The following ADAM2 variants were observed in gnomAD, a reference collection of about 807,000 sequenced individuals.
The protein encoded by ADAM2 is ADAM metallopeptidase domain 2.
Under a neutral mutation model 99.3 loss-of-function variants are expected in ADAM2, and 101 were observed. The observed-to-expected ratio is 1.02, with a 90% CI of 0.87 to 1.20. The LOEUF (loss-of-function observed/expected upper bound fraction) is 1.20, where lower values mean the gene tolerates loss of function less well. ADAM2 is among the 50% of genes most tolerant of loss of function. The pLI is 0.00. For synonymous variants in ADAM2, 323 were observed against 287.6 expected (o/e 1.12, Z -1.25); for missense variants, 948 against 878.7 (o/e 1.08, Z -1.00).
chr8:39,753,253 T>C (rs1241218211), intron 16 of ADAM2, among the ~76,000 whole-genome samples: 1 of 152,180 alleles, frequency 6.6e-6, no homozygotes, highest in Non-Finnish European at 1.5e-5. Flanking sequence ...GTGACTCTTG[T>C]TATGTTTTAG....
At chr8:39,779,895 C>A (rs117681926) in intron 10 of ADAM2, among the ~76,000 whole-genome samples, 1,765 of 152,154 alleles carry the variant, frequency 0.012, 17 homozygotes, top group Non-Finnish European at 0.017. Context: ...TCTATCTATG[C>A]CTTTTTTTTC....
At chr8:39,785,119 T>C (rs1438512392) in intron 10 of ADAM2, among the ~76,000 whole-genome samples, 1 of 152,240 alleles carries the variant, frequency 6.6e-6, no homozygotes, top group Non-Finnish European at 1.5e-5. Context: ...CATATATTAT[T>C]TGGCAATGCC....
intron 4 of ADAM2, among the ~76,000 whole-genome samples, chr8:39,824,516 G>C (rs1035223602): frequency 1.3e-5 from 2 of 152,044 alleles, no homozygotes; most frequent in Non-Finnish European, 2.9e-5. Context: ...TAGCTTTCCT[G>C]ATACAAGTCA....
chr8:39,777,348 C>T (rs989042553), intron 10 of ADAM2, among the ~76,000 whole-genome samples, 187 bp from the exon 11 acceptor site: 3 of 151,824 alleles, frequency 2.0e-5, no homozygotes, highest in Non-Finnish European at 4.4e-5. Context: ...GAAGTTTTAT[C>T]GGTATGTAAA....
intron 14 of ADAM2, 102 bp downstream of exon 14, chr8:39,766,746 C>T (rs764073610): frequency 2.1e-5 from 19 of 903,708 alleles, no homozygotes; most frequent in Non-Finnish European, 3.0e-5. Flanking sequence ...AATATTTAAA[C>T]TAAATGTGAC....
At chr8:39,791,865 C>T (rs970905369) in intron 7 of ADAM2, among the ~76,000 whole-genome samples, 2 of 151,930 alleles carry the variant, frequency 1.3e-5, no homozygotes, top group Non-Finnish European at 2.9e-5. Flanking sequence ...ATCTCAGAGC[C>T]GAGCCACAAC....
In ADAM2 at chr8:39,821,640, T is replaced by A; in HGVS notation, c.290A>T (p.Tyr97Phe). ...CACAGATTTTGGATAACCTTCAATA[T>A]ACCCTTGGTAGTGGCAGAAATTCTG... ...DFQNFCHYQG[Y>F]IEGYPKSVVM... Residue 97 changes from tyrosine to phenylalanine, a missense_variant, in exon 5 of 21, where the codon TAT becomes TTT. By Grantham distance (22) the Tyr-to-Phe change is conservative. Transcript: ENST00000265708. The A allele has an allele frequency of 6.2e-7, 1 of 1,606,912 alleles. No homozygotes were observed. Among genetic ancestry groups the A allele is most frequent in the Middle Eastern group, 1.7e-4 (1 of 6,048 alleles).
At chr8:39,761,477 C>A (rs1261499345) in intron 14 of ADAM2, among the ~76,000 whole-genome samples, 196 bp from the exon 15 acceptor site, 1 of 152,178 alleles carries the variant, frequency 6.6e-6, no homozygotes, top group Non-Finnish European at 1.5e-5. Flanking sequence ...TGAAAGGACT[C>A]TGGTCTACTA....
At chr8:39,755,943 T>C in intron 15 of ADAM2, 32 bp from the exon 16 acceptor site, 2 of 1,211,932 alleles carry the variant, frequency 1.7e-6, no homozygotes, top group Non-Finnish European at 2.3e-6. Flanking sequence ...AAATTATTAA[T>C]TTTAATTTAG....
intron 3 of ADAM2, among the ~76,000 whole-genome samples, chr8:39,831,459 C>T (rs1038990456): frequency 6.6e-6 from 1 of 152,122 alleles, no homozygotes; most frequent in Admixed American, 6.6e-5. Flanking sequence ...CTCAAACGAG[C>T]TCATCAATGA....
intron 10 of ADAM2, among the ~76,000 whole-genome samples, chr8:39,779,821 T>C (rs991032786): frequency 6.6e-6 from 1 of 152,158 alleles, no homozygotes; most frequent in African/African-American, 2.4e-5. Context: ...GCATTCTCTA[T>C]AAATGTGCCT....
intron 10 of ADAM2, among the ~76,000 whole-genome samples, chr8:39,786,011 A>C (rs1042353354): frequency 5.3e-5 from 8 of 152,202 alleles, no homozygotes; most frequent in Non-Finnish European, 1.2e-4. Flanking sequence ...TTGCAGCAAC[A>C]TGGATGCAGC....
intron 11 of ADAM2, among the ~76,000 whole-genome samples, chr8:39,773,079 G>A (rs919636096): frequency 2.6e-5 from 4 of 151,766 alleles, no homozygotes; most frequent in Non-Finnish European, 5.9e-5. Context: ...TCAAAAGATA[G>A]ACATCTAGAA....
chr8:39,832,414 A>G (rs2129589264), intron 3 of ADAM2, among the ~76,000 whole-genome samples: 1 of 152,228 alleles, frequency 6.6e-6, no homozygotes, highest in Admixed American at 6.5e-5. Context: ...AGGCTTCAGT[A>G]CTCCACCAGT....
intron 2 of ADAM2, among the ~76,000 whole-genome samples, chr8:39,835,796 A>G (rs550572767): frequency 6.6e-5 from 10 of 152,254 alleles, no homozygotes; most frequent in African/African-American, 1.7e-4. Context: ...GTATTTGTTG[A>G]ATTAATTAGC....
chr8:39,772,683 A>G (rs1802830363), intron 11 of ADAM2, among the ~76,000 whole-genome samples: 2 of 152,038 alleles, frequency 1.3e-5, no homozygotes, highest in Admixed American at 1.3e-4. Context: ...TTTCTTTATC[A>G]ACCACATTTC....
intron 6 of ADAM2, among the ~76,000 whole-genome samples, chr8:39,818,452 G>GA (rs757489269): frequency 1.6e-4 from 25 of 152,090 alleles, no homozygotes; most frequent in Admixed American, 7.9e-4. Flanking sequence ...GGGCACCTGT[G>GA]AAAAAATTAC....
chr8:39,831,490 A>G (rs1805616031), intron 3 of ADAM2, among the ~76,000 whole-genome samples: 1 of 152,198 alleles, frequency 6.6e-6, no homozygotes, highest in Non-Finnish European at 1.5e-5. Flanking sequence ...CATATGGAAA[A>G]GTCCAAAGCT....
chr8:39,776,971 A>G, intron 11 of ADAM2, 54 bp downstream of exon 11: 1 of 1,110,410 alleles, frequency 9.0e-7, no homozygotes, highest in Non-Finnish European at 1.3e-6. Context: ...TCAACTAAAT[A>G]CATTAAAATT....
Sources: allele counts gnomAD v4.1 joint callset (sites outside exome capture counted in the v4.1 genomes callset), GRCh38; gene constraint gnomAD v4.1.1; transcripts MANE v1.5; gene names NCBI Gene and HGNC (gene_info 2026-07-23, HGNC 2026-07-21).